NOS1: variants seen among roughly 807,000 people sequenced by gnomAD.
NOS1 encodes the protein nitric oxide synthase 1.
Under a neutral mutation model 164.5 loss-of-function variants are expected in NOS1, and 51 were observed. The observed-to-expected ratio is 0.31, with a 90% CI of 0.25 to 0.39. NOS1 has a LOEUF of 0.39. Among genes scored for constraint, NOS1 ranks in the 10% least tolerant of loss-of-function variants. The pLI is 1.00. For missense variants in NOS1, 1,362 were observed against 1,885.6 expected (o/e 0.72, Z 5.14); for synonymous variants, 719 against 745.8 (o/e 0.96, Z 0.59).
intron 2 of NOS1, among the ~76,000 whole-genome samples, chr12:117,323,667 C>G (rs538904501): frequency 6.6e-6 from 1 of 152,298 alleles, no homozygotes; most frequent in African/African-American, 2.4e-5. Flanking sequence ...CGTAGGCTTG[C>G]CACAGAAGGA....
Position 117,212,707 on chromosome 12 carries a change from T to G in NOS1, c.*2602A>C, listed in dbSNP as rs959547732. The G allele has an allele frequency of 5.1e-5, 50 of 985,364 alleles. No individual in the cohort carries two copies. Among genetic ancestry groups the G allele is most frequent in the Non-Finnish European group, 5.4e-5 (45 of 829,954 alleles). 61.0% of individuals were successfully genotyped at this position (985,364 alleles called of 1,614,324 possible). A position where few individuals can be genotyped will look rare whatever the true frequency, so the allele number is the denominator to read the frequency against. On this transcript the variant is annotated 3_prime_UTR_variant, in exon 29 of 29. Coordinates refer to ENST00000317775, the MANE Select transcript of NOS1 (RefSeq NM_000620.5). ...TGTCAACCCTATTTTGCTTACCCAT[T>G]GCTTAATTCTATTTTGCACTTAAAC...
intron 3 of NOS1, chr12:117,305,133 A>C (rs1372055438): frequency 3.6e-5 from 34 of 933,912 alleles, no homozygotes; most frequent in Non-Finnish European, 4.2e-5. Flanking sequence ...TGGATGCTTA[A>C]ACAAGCCATA....
In NOS1 at chr12:117,210,478, G is replaced by A. The variant is rs1956510431; in HGVS notation, c.*4831C>T. On this transcript the variant is annotated 3_prime_UTR_variant, in exon 29 of 29. Coordinates refer to ENST00000317775, the MANE Select transcript of NOS1 (RefSeq NM_000620.5). ...CCACAGCGGCATGCTGGGTATGTGG[G>A]GCAGCGGGTAGGGAAATATACAAGG... 7 of 985,470 alleles carry A rather than the reference G, an allele frequency of 7.1e-6. No individual in the cohort carries two copies. The highest frequency in any genetic ancestry group is 5.2e-4 in the Middle Eastern group (1 of 1,916). The allele number at this position is 985,470 out of a possible 1,614,324, so 61.0% of individuals were successfully genotyped here.
chr12:117,243,303 T>C lies in NOS1; in HGVS notation c.2956A>G (p.Thr986Ala). The C allele has an allele frequency of 6.2e-7, 1 of 1,614,106 alleles. No homozygotes were observed. Among genetic ancestry groups the C allele is most frequent in the African/African-American group, 1.3e-5 (1 of 75,042 alleles). The change falls in exon 19 of 29, where the codon ACA becomes GCA. Residue 986 changes from threonine to alanine, a missense_variant. Thr to Ala is a moderately conservative substitution (Grantham distance 58). Around this residue, in one of 4 missense-constraint regions of NOS1, gnomAD observed 737 missense variants for 1,030.3 expected, o/e 0.72. Coordinates refer to ENST00000317775, the MANE Select transcript of NOS1 (RefSeq NM_000620.5). This position sits in a 1 kb window ranked among gnomAD's most constrained non-coding sequence, Gnocchi z 4.3. ...GAAGGGTGGTGGGAGGTACCTTGTG[T>C]GAGTTCTGGAGCTTCGGCCACAAAG... ...LTFVAEAPELTQGLSNVHKKR... is the reference protein window; with the variant it reads ...LTFVAEAPELAQGLSNVHKKR...
intron 13 of NOS1, 64 bp from the exon 14 acceptor site, chr12:117,260,673 G>A: frequency 1.3e-6 from 2 of 1,553,014 alleles, no homozygotes; most frequent in South Asian, 2.3e-5. Context: ...ATGCTGGATT[G>A]GGACTTTCGT....
intron 17 of NOS1, among the ~76,000 whole-genome samples, chr12:117,249,835 A>C (rs1222381402): frequency 6.6e-6 from 1 of 152,162 alleles, no homozygotes; most frequent in Non-Finnish European, 1.5e-5. Flanking sequence ...TCCTTCAGAC[A>C]CTTTCTGCTA....
In NOS1 at chr12:117,212,966, T is replaced by TA. The variant is rs9658572; in HGVS notation, c.*2342dup. 31 of 983,588 alleles carry TA rather than the reference T, an allele frequency of 3.2e-5. No individual in the cohort carries two copies. The highest frequency in any genetic ancestry group is 6.2e-5 in the Admixed American group (1 of 16,208). The allele number at this position is 983,588 out of a possible 1,614,324, so 60.9% of individuals were successfully genotyped here. A position where few individuals can be genotyped will look rare whatever the true frequency, so the allele number is the denominator to read the frequency against. Reference sequence around the variant, plus strand: ...TGTTGGGGATTGAAAGGTGTTTACTTAAAAAAAAATCTTTCTGGAGAAGAA... The same window carrying TA: ...TGTTGGGGATTGAAAGGTGTTTACTTAAAAAAAAAATCTTTCTGGAGAAGAA... On this transcript the variant is annotated 3_prime_UTR_variant, in exon 29 of 29. Coordinates refer to ENST00000317775, the MANE Select transcript of NOS1 (RefSeq NM_000620.5).
chr12:117,293,318 G>A (rs1165108266), intron 3 of NOS1, among the ~76,000 whole-genome samples: 3 of 152,112 alleles, frequency 2.0e-5, no homozygotes, highest in African/African-American at 4.8e-5. Flanking sequence ...CCTCAGTGCC[G>A]GGCGCTACCA....
chr12:117,297,899 G>T (rs530651212), intron 3 of NOS1, among the ~76,000 whole-genome samples: 1 of 152,082 alleles, frequency 6.6e-6, no homozygotes, highest in Non-Finnish European at 1.5e-5. Context: ...CTACACCAGG[G>T]GAGGCAGGCA....
In NOS1 at chr12:117,209,877, C is replaced by T. The variant is rs1300636032; in HGVS notation, c.*5432G>A. The T allele has an allele frequency of 6.1e-6, 6 of 985,402 alleles. No individual in the cohort carries two copies. Among genetic ancestry groups the T allele is most frequent in the Non-Finnish European group, 7.2e-6 (6 of 829,988 alleles). 61.0% of individuals were successfully genotyped at this position (985,402 alleles called of 1,614,324 possible). A position where few individuals can be genotyped will look rare whatever the true frequency, so the allele number is the denominator to read the frequency against. ...CAGGTTGGCCTCCAAAGTCAAATCC[C>T]TGTTCATGGGGAACATCTATGTTGA... On this transcript the variant is annotated 3_prime_UTR_variant, in exon 29 of 29. Coordinates refer to ENST00000317775, the MANE Select transcript of NOS1 (RefSeq NM_000620.5).
Position 117,330,573 on chromosome 12 carries a change from C to T in NOS1, c.497G>A (p.Gly166Glu), listed in dbSNP as rs774097948. The T allele has an allele frequency of 2.5e-6, 4 of 1,613,238 alleles. No individual in the cohort carries two copies. Among genetic ancestry groups the T allele is most frequent in the Non-Finnish European group, 3.4e-6 (4 of 1,179,792 alleles). ...GNGPQHAYDD[G>E]QEAGSLPHAN... ...ATGGGGGAGTGAGCCAGCCTCCTGC[C>T]CATCATCGTAGGCATGCTGAGGCCC... Residue 166 changes from glycine (G) to glutamate (E), a missense_variant, in exon 2 of 29, where the codon GGG becomes GAG. Coordinates refer to ENST00000317775, the MANE Select transcript of NOS1 (RefSeq NM_000620.5). The surrounding 1 kb of genome is among the most constrained non-coding windows in gnomAD (Gnocchi z 4.6).
At chr12:117,224,399 C>T (rs2135930295) in intron 25 of NOS1, among the ~76,000 whole-genome samples, 1 of 152,294 alleles carries the variant, frequency 6.6e-6, no homozygotes, top group South Asian at 2.1e-4. Context: ...CATTCTCTCA[C>T]CACAGCCTCC....
At position 117,211,575 on chromosome 12, in the gene NOS1, C is replaced by T; in HGVS notation, c.*3734G>A. ...ACCTCTCCCCACGGTCTGGTCCCAG[C>T]CCACCTTTTCTCACCCTCCTCAGCC... On this transcript the variant is annotated 3_prime_UTR_variant, in exon 29 of 29. Transcript: ENST00000317775. 5.1e-6 allele frequency: 5 copies of T among 985,632 alleles called. No homozygotes were observed. Among genetic ancestry groups the T allele is most frequent in the Non-Finnish European group, 6.0e-6 (5 of 830,052 alleles). 61.1% of individuals were successfully genotyped at this position (985,632 alleles called of 1,614,324 possible). A position where few individuals can be genotyped will look rare whatever the true frequency, so the allele number is the denominator to read the frequency against.
At chr12:117,305,030 C>G in intron 3 of NOS1, 1 of 985,428 alleles carries the variant, frequency 1.0e-6, no homozygotes, top group Non-Finnish European at 1.2e-6. Context: ...CCCTGCCCAG[C>G]CATTTCTCAA....
rs1956570135 is a variant in NOS1 at position 117,214,269 on chromosome 12, TA to T, written c.*1039del. On this transcript the variant is annotated 3_prime_UTR_variant, in exon 29 of 29. Transcript: ENST00000317775. ...AAAGCTTTAACATTTAATCCATTCA[TA>T]TTCTTTAGGTTCGTATGACATTATG... 1 of 985,328 alleles carries T rather than the reference TA, an allele frequency of 1.0e-6. No homozygotes were observed. The highest frequency in any genetic ancestry group is 1.7e-5 in the African/African-American group (1 of 57,240). 61.0% of individuals were successfully genotyped at this position (985,328 alleles called of 1,614,324 possible).
chr12:117,291,442 T>A (rs936700180), intron 3 of NOS1, among the ~76,000 whole-genome samples: 2 of 151,592 alleles, frequency 1.3e-5, no homozygotes, highest in African/African-American at 4.8e-5. Context: ...TGCAAATGAT[T>A]TGGCCAGTAG....
At chr12:117,275,449 A>T (rs773117895) in intron 9 of NOS1, among the ~76,000 whole-genome samples, 5 of 152,184 alleles carry the variant, frequency 3.3e-5, no homozygotes, top group Non-Finnish European at 5.9e-5. Context: ...CTACAAAAAA[A>T]GTTGATCTCA....
In NOS1 at chr12:117,234,579, C is replaced by T. The variant is rs372427472; in HGVS notation, c.3221G>A (p.Arg1074Gln). The T allele has an allele frequency of 2.5e-5, 40 of 1,613,508 alleles. No individual in the cohort carries two copies. The highest frequency in any genetic ancestry group is 1.6e-4 in the Middle Eastern group (1 of 6,066). ...GGGAATGTTACCTAAAGCCGTGTTC[C>T]GCTCCTCCAGCAGTTCCACTTTCAC... ...QMVKVELLEE[R>Q]NTALGVISNW... is the part of the protein sequence containing the mutation. The change falls in exon 21 of 29, where the codon CGG (arginine) becomes CAG (glutamine). Residue 1074 changes from arginine to glutamine, a missense_variant. This residue lies in a region of NOS1 where 737 missense variants were observed against 1,030.3 expected (regional missense o/e 0.72). Coordinates refer to ENST00000317775, the MANE Select transcript of NOS1 (RefSeq NM_000620.5). The surrounding 1 kb of genome is among the most constrained non-coding windows in gnomAD (Gnocchi z 4.3).
At chr12:117,288,853 T>C (rs1592992449) in intron 4 of NOS1, among the ~76,000 whole-genome samples, 1 of 152,152 alleles carries the variant, frequency 6.6e-6, no homozygotes, top group East Asian at 1.9e-4. Context: ...AGAGACCACA[T>C]GGAACAGGGT....
Sources: allele counts gnomAD v4.1 joint callset (sites outside exome capture counted in the v4.1 genomes callset), GRCh38; gene constraint gnomAD v4.1.1; regional missense constraint gnomAD v4.1.1; non-coding constraint Gnocchi (gnomAD v3.1); transcripts MANE v1.5; gene names NCBI Gene and HGNC (gene_info 2026-07-23, HGNC 2026-07-21).